Variants in BCAS3 observed in about 807,000 individuals in gnomAD.
The protein encoded by BCAS3 is BCAS4/BCAS3 fusion.
In BCAS3, 53 loss-of-function variants were observed where a neutral mutation model predicts 116.1. That is an observed-to-expected ratio of 0.46 (90% CI 0.37 to 0.57). BCAS3 has a LOEUF of 0.57. Ranked by LOEUF, BCAS3 falls within the 20% of genes least tolerant of loss-of-function variation. The pLI, the probability that BCAS3 is intolerant of heterozygous loss-of-function variation, is 0.00. For synonymous variants in BCAS3, 391 were observed against 408.2 expected (o/e 0.96, Z 0.51); for missense variants, 917 against 1,165.4 (o/e 0.79, Z 3.10).
chr17:61,146,273 ATT>A lies in BCAS3; in HGVS notation c.2425+61723_2425+61724del, dbSNP rs112303266. The stretch of plus-strand genomic sequence containing the variant: ...AGGTGTAAGCCACTACACCCAGCTG[ATT>A]TTTTTTTTTTTTTGGTGTTTTTTGT... On this transcript the variant is annotated intron_variant, in intron 22 of 23. Coordinates refer to ENST00000407086, the MANE Select transcript of BCAS3 (RefSeq NM_017679.5). Among the ~76,000 whole-genome samples, 315 of 137,622 alleles carry A rather than the reference ATT, an allele frequency of 2.3e-3. 2 individuals are homozygous for A. The highest frequency in any genetic ancestry group is 7.3e-3 in the African/African-American group (274 of 37,530). The allele number at this position is 137,622 out of a possible 152,430, so 90.3% of individuals were successfully genotyped here.
intron 12 of BCAS3, among the ~76,000 whole-genome samples, chr17:60,921,342 G>A (rs2059073545): frequency 6.6e-6 from 1 of 152,144 alleles, no homozygotes; most frequent in Non-Finnish European, 1.5e-5. Context: ...TCACTTATAA[G>A]TGGGAGCTAA....
chr17:61,392,367 C>T lies in BCAS3; in HGVS notation c.*242C>T, dbSNP rs760689620. 154 of 426,674 alleles carry T rather than the reference C, an allele frequency of 3.6e-4. No individual in the cohort carries two copies. Among genetic ancestry groups the T allele is most frequent in the Admixed American group, 3.1e-3 (75 of 23,930 alleles). 26.4% of individuals were successfully genotyped at this position (426,674 alleles called of 1,614,324 possible). A position where few individuals can be genotyped will look rare whatever the true frequency, so the allele number is the denominator to read the frequency against. On this transcript the variant is annotated 3_prime_UTR_variant, in exon 24 of 24. Transcript: ENST00000407086. This position sits in a 1 kb window ranked among gnomAD's most constrained non-coding sequence, Gnocchi z 6.4. The stretch of plus-strand genomic sequence containing the variant: ...GTGGCCAGGAGAGACTGTAGAAGCT[C>T]GGTCCCTGTGTATGTTTGCATATGA...
chr17:60,867,623 A>G (rs982457737), intron 7 of BCAS3, among the ~76,000 whole-genome samples: 1 of 152,202 alleles, frequency 6.6e-6, no homozygotes, highest in African/African-American at 2.4e-5. Context: ...CATATATTCT[A>G]ACAGTTGGTC....
Position 60,788,125 on chromosome 17 carries a change from A to G in BCAS3, c.404-19879A>G, listed in dbSNP as rs76704641. On this transcript the variant is annotated intron_variant, in intron 6 of 23. Transcript: ENST00000407086. ...ATTTTACAGATGAAAGGATTAAAAC[A>G]CTAAGGGATTAAATGCAGACGCCTT... 3.8e-3 allele frequency among the ~76,000 whole-genome samples: 575 copies of G among 152,290 alleles called. 9 individuals carry two copies. Among genetic ancestry groups the G allele is most frequent in the African/African-American group, 0.013 (538 of 41,570 alleles).
At chr17:61,129,188 CA>C (rs2076203451) in intron 22 of BCAS3, among the ~76,000 whole-genome samples, 1 of 152,134 alleles carries the variant, frequency 6.6e-6, no homozygotes, top group African/African-American at 2.4e-5. Context: ...GGAGAAGGGC[CA>C]GAGATCTTAC....
rs1238478025 is a variant in BCAS3, at chr17:60,920,735, TG to T, written c.994-3670del. Among the ~76,000 whole-genome samples the T allele has an allele frequency of 2.6e-5, 4 of 152,044 alleles. No homozygotes were observed. In the East Asian group the frequency reaches 7.7e-4, roughly 29 times the overall value. The stretch of plus-strand genomic sequence containing the variant: ...AACACAAAAAATTAGCTGGGCGTGG[TG>T]GCGGGTGCCCATAGTCCCAGCTACT... On this transcript the variant is annotated intron_variant, in intron 12 of 23. Transcript: ENST00000407086.
At chr17:61,297,986 T>C (rs923270861) in intron 22 of BCAS3, among the ~76,000 whole-genome samples, 1 of 152,228 alleles carries the variant, frequency 6.6e-6, no homozygotes, top group Non-Finnish European at 1.5e-5. Flanking sequence ...TGGGTCTCCC[T>C]GCAGCTTCAT....
At chr17:61,177,804 T>C (rs1239772117) in intron 22 of BCAS3, among the ~76,000 whole-genome samples, 1 of 152,224 alleles carries the variant, frequency 6.6e-6, no homozygotes, top group Non-Finnish European at 1.5e-5. Flanking sequence ...GTATACCAAT[T>C]AATTTAGTAG....
intron 22 of BCAS3, among the ~76,000 whole-genome samples, chr17:61,148,748 G>A (rs974946906): frequency 6.6e-6 from 1 of 152,174 alleles, no homozygotes; most frequent in African/African-American, 2.4e-5. Flanking sequence ...GAAATCTACT[G>A]CAGGTCTGTC....
At chr17:61,338,727 G>A (rs960369812) in intron 22 of BCAS3, among the ~76,000 whole-genome samples, 1 of 151,824 alleles carries the variant, frequency 6.6e-6, no homozygotes, top group Non-Finnish European at 1.5e-5. Flanking sequence ...GGCCCGCGTG[G>A]GAGTCGTAGC....
intron 6 of BCAS3, among the ~76,000 whole-genome samples, chr17:60,784,493 C>T (rs960644484): frequency 5.3e-5 from 8 of 150,906 alleles, no homozygotes; most frequent in South Asian, 4.2e-4. Flanking sequence ...TTAGTAGAGA[C>T]GGGGTTTTAC....
chr17:60,709,076 T>C (rs2144005152), intron 4 of BCAS3, 143 bp from the exon 5 acceptor site: 1 of 528,506 alleles, frequency 1.9e-6, no homozygotes, highest in East Asian at 3.3e-5. Context: ...TGGACAACTT[T>C]GAGAATTCTG....
intron 7 of BCAS3, among the ~76,000 whole-genome samples, chr17:60,856,314 A>G (rs746133255): frequency 3.3e-5 from 5 of 152,222 alleles, no homozygotes; most frequent in Non-Finnish European, 7.3e-5. Flanking sequence ...TTAGAGCCTG[A>G]ATTTCAGACA....
chr17:61,019,632 A>G lies in BCAS3; in HGVS notation c.1637+3731A>G, dbSNP rs2065738824. 2.0e-5 allele frequency among the ~76,000 whole-genome samples: 3 copies of G among 152,298 alleles called. No individual in the cohort carries two copies. Among genetic ancestry groups the G allele is most frequent in the South Asian group, 4.1e-4 (2 of 4,826 alleles). ...TGAGTTTTGAAACAAATCTCAGACA[A>G]TATTTCATCCCATTAGCTTTCATCC... On this transcript the variant is annotated intron_variant, in intron 16 of 23. Coordinates refer to ENST00000407086, the MANE Select transcript of BCAS3 (RefSeq NM_017679.5). This position sits in a 1 kb window ranked among gnomAD's most constrained non-coding sequence, Gnocchi z 5.6.
chr17:61,077,790 G>A lies in BCAS3; in HGVS notation c.2131-543G>A, dbSNP rs1313424693. Among the ~76,000 whole-genome samples, 1 of 152,218 alleles carries A rather than the reference G, an allele frequency of 6.6e-6. No individual in the cohort carries two copies. The highest frequency in any genetic ancestry group is 2.4e-5 in the African/African-American group (1 of 41,546). ...ATAATAAATATTATAATATTTTATT[G>A]TGGAAATAAAGTGGCTTTGGGCATT... On this transcript the variant is annotated intron_variant, in intron 20 of 23. Transcript: ENST00000407086. The surrounding 1 kb of genome is among the most constrained non-coding windows in gnomAD (Gnocchi z 4.3).
Position 61,392,364 on chromosome 17 carries a change from G to T in BCAS3, c.*239G>T. ...GCTGTGGCCAGGAGAGACTGTAGAAGCTCGGTCCCTGTGTATGTTTGCATA... is the reference window on the plus strand; with the variant it reads ...GCTGTGGCCAGGAGAGACTGTAGAATCTCGGTCCCTGTGTATGTTTGCATA... On this transcript the variant is annotated 3_prime_UTR_variant, in exon 24 of 24. Coordinates refer to ENST00000407086, the MANE Select transcript of BCAS3 (RefSeq NM_017679.5). This position sits in a 1 kb window ranked among gnomAD's most constrained non-coding sequence, Gnocchi z 6.4. 2.2e-6 allele frequency: 1 copy of T among 464,826 alleles called. No individual in the cohort carries two copies. 28.8% of individuals were successfully genotyped at this position (464,826 alleles called of 1,614,324 possible).
chr17:60,776,680 C>G (rs1253630641), intron 6 of BCAS3, among the ~76,000 whole-genome samples: 1 of 146,154 alleles, frequency 6.8e-6, no homozygotes, highest in Non-Finnish European at 1.5e-5. Flanking sequence ...GATCGCACCA[C>G]TGTACTCCAG....
chr17:61,072,331 A>G (rs2071509811), intron 19 of BCAS3, among the ~76,000 whole-genome samples: 2 of 152,144 alleles, frequency 1.3e-5, no homozygotes, highest in African/African-American at 4.8e-5. Flanking sequence ...TCCTGTTTTC[A>G]TCTGTAATTC....
chr17:61,240,422 G>A (rs562949584), intron 22 of BCAS3, among the ~76,000 whole-genome samples: 9 of 152,202 alleles, frequency 5.9e-5, no homozygotes, highest in Non-Finnish European at 7.4e-5. Context: ...AGGCTAAGGC[G>A]GGTGGATCAC....
Sources: allele counts gnomAD v4.1 joint callset (sites outside exome capture counted in the v4.1 genomes callset), GRCh38; gene constraint gnomAD v4.1.1; non-coding constraint Gnocchi (gnomAD v3.1); transcripts MANE v1.5; gene names NCBI Gene and HGNC (gene_info 2026-07-23, HGNC 2026-07-21).